OXCT1: variants seen among roughly 807,000 people sequenced by gnomAD.
The protein encoded by OXCT1 is succinyl-CoA:3-ketoacid coenzyme A transferase 1, mitochondrial.
A neutral mutation model predicts 69.6 loss-of-function variants in OXCT1; 27 were observed. The ratio of observed to expected loss-of-function variants is 0.39; its 90% CI spans 0.29 to 0.54. OXCT1 has a LOEUF of 0.54. OXCT1 is among the 20% of genes least tolerant of loss of function. OXCT1 has a pLI of 0.72. For synonymous variants in OXCT1, 202 were observed against 217.8 expected, an observed-to-expected ratio of 0.93 and a Z score of 0.64; for missense variants, 437 against 650.2, an observed-to-expected ratio of 0.67 and a Z score of 3.57.
intron 13 of OXCT1, among the ~76,000 whole-genome samples, chr5:41,765,484 C>T (rs1561372072): frequency 2.0e-5 from 3 of 152,258 alleles, no homozygotes; most frequent in Middle Eastern, 3.4e-3. Flanking sequence ...TGCTAAGCCA[C>T]TCAAACTGAA....
intron 16 of OXCT1, among the ~76,000 whole-genome samples, chr5:41,734,811 C>A (rs1295278822): frequency 2.0e-5 from 3 of 152,048 alleles, no homozygotes; most frequent in Non-Finnish European, 4.4e-5. Flanking sequence ...AAAGAACATT[C>A]AAAAATCATC....
At chr5:41,816,449 C>A (rs898616360) in intron 7 of OXCT1, among the ~76,000 whole-genome samples, 12 of 152,142 alleles carry the variant, frequency 7.9e-5, no homozygotes, top group African/African-American at 2.7e-4. Context: ...TAGGGAGATG[C>A]ACAATCAGTT....
chr5:41,746,692 G>C (rs557917753), intron 15 of OXCT1, among the ~76,000 whole-genome samples: 7 of 152,126 alleles, frequency 4.6e-5, no homozygotes, highest in African/African-American at 9.6e-5. Context: ...TTGAGCTCTA[G>C]ATCCAAATCT....
chr5:41,779,636 G>T (rs1007740622), intron 13 of OXCT1, among the ~76,000 whole-genome samples: 12 of 151,476 alleles, frequency 7.9e-5, no homozygotes, highest in Non-Finnish European at 1.5e-4. Flanking sequence ...AACACACAAA[G>T]AAAGTAAAAG....
At chr5:41,808,735 G>T (rs939466641) in intron 7 of OXCT1, among the ~76,000 whole-genome samples, 7 of 152,062 alleles carry the variant, frequency 4.6e-5, no homozygotes, top group African/African-American at 1.7e-4. Flanking sequence ...TGAAAACTCT[G>T]TATGCTCCAG....
intron 7 of OXCT1, among the ~76,000 whole-genome samples, chr5:41,831,595 C>T (rs1748099950): frequency 6.6e-6 from 1 of 152,038 alleles, no homozygotes; most frequent in Admixed American, 6.6e-5. Flanking sequence ...ATAAAAATAC[C>T]TAGTACACTA....
chr5:41,738,960 T>G (rs902248955), intron 16 of OXCT1, among the ~76,000 whole-genome samples: 50 of 152,320 alleles, frequency 3.3e-4, no homozygotes, highest in Admixed American at 7.2e-4. Context: ...AAATATGGCA[T>G]AGAATTTAGA....
chr5:41,739,025 T>C (rs1186842380), intron 16 of OXCT1, among the ~76,000 whole-genome samples: 2 of 152,248 alleles, frequency 1.3e-5, no homozygotes, highest in Non-Finnish European at 2.9e-5. Flanking sequence ...TTTCTCCATA[T>C]GTGGCTAACA....
At chr5:41,755,938 C>A (rs1176586305) in intron 14 of OXCT1, among the ~76,000 whole-genome samples, 2 of 151,968 alleles carry the variant, frequency 1.3e-5, no homozygotes, top group African/African-American at 4.8e-5. Context: ...TTCTGATGGG[C>A]AGATGAGTAT....
At position 41,807,179 on chromosome 5, in the gene OXCT1, C is replaced by T. The variant is rs114976625; in HGVS notation, c.840+152G>A. The T allele has an allele frequency of 1.9e-3, 1,287 of 661,728 alleles. 13 individuals are homozygous for T. In the African/African-American group the frequency reaches 0.021, roughly 11 times the overall value. 41.0% of individuals were successfully genotyped at this position (661,728 alleles called of 1,614,324 possible). ...GCACAGAGGCATAGACCATCATATC[C>T]CCATGATGATAGACACATGAGAAGC... On this transcript the variant is annotated intron_variant, in intron 8 of 16. Transcript: ENST00000196371.
intron 13 of OXCT1, among the ~76,000 whole-genome samples, chr5:41,781,692 G>A (rs537429405): frequency 6.6e-6 from 1 of 152,260 alleles, no homozygotes; most frequent in East Asian, 1.9e-4. Flanking sequence ...ACTTACAAGT[G>A]AGAATATGCA....
chr5:41,870,375 A>C lies in OXCT1; in HGVS notation c.-17T>G, dbSNP rs1469204898. On this transcript the variant is annotated 5_prime_UTR_variant, in exon 1 of 17. Coordinates refer to ENST00000196371, the MANE Select transcript of OXCT1 (RefSeq NM_000436.4). This position sits in a 1 kb window ranked among gnomAD's most constrained non-coding sequence, Gnocchi z 4.2. ...AGCCGCCATCTTCGGGCGGTGAGGC[A>C]GGAGGAGGCTGCGGGTTGGAGCGCG... The C allele has an allele frequency of 6.2e-7, 1 of 1,606,982 alleles. No homozygotes were observed. Among genetic ancestry groups the C allele is most frequent in the Non-Finnish European group, 8.5e-7 (1 of 1,175,296 alleles).
At chr5:41,819,515 C>T (rs1747434037) in intron 7 of OXCT1, among the ~76,000 whole-genome samples, 1 of 152,074 alleles carries the variant, frequency 6.6e-6, no homozygotes, top group Admixed American at 6.6e-5. Context: ...GGATTACAGG[C>T]ATGCGCCACC....
Position 41,864,645 on chromosome 5 carries a change from T to C in OXCT1, c.79-1895A>G, listed in dbSNP as rs151108745. 3.9e-3 allele frequency among the ~76,000 whole-genome samples: 594 copies of C among 152,318 alleles called. 3 individuals carry two copies. The highest frequency in any genetic ancestry group is 0.017 in the Middle Eastern group (5 of 294). The stretch of plus-strand genomic sequence containing the variant: ...CAACCAATTCATTTCACAGGTCAAA[T>C]TTTTGAAGCTTAGAAGGATCTTGTA... On this transcript the variant is annotated intron_variant, in intron 1 of 16. Transcript: ENST00000196371.
chr5:41,733,740 G>A (rs184163124), intron 16 of OXCT1, among the ~76,000 whole-genome samples: 9 of 152,080 alleles, frequency 5.9e-5, no homozygotes, highest in Admixed American at 1.3e-4. Context: ...ATAAGATAAC[G>A]CTTTATATAG....
At chr5:41,745,041 C>A (rs1743396538) in intron 15 of OXCT1, among the ~76,000 whole-genome samples, 1 of 152,038 alleles carries the variant, frequency 6.6e-6, no homozygotes, top group Admixed American at 6.6e-5. Flanking sequence ...CAACTCTGCA[C>A]CAAGCGGACC....
chr5:41,773,411 C>T (rs745537417), intron 13 of OXCT1, among the ~76,000 whole-genome samples: 24 of 131,518 alleles, frequency 1.8e-4, no homozygotes, highest in Non-Finnish European at 2.4e-4. Context: ...CCTGTCTCTA[C>T]GAAAAAAAAA....
intron 3 of OXCT1, among the ~76,000 whole-genome samples, chr5:41,855,802 A>G (rs1029432129): frequency 7.2e-5 from 11 of 152,220 alleles, no homozygotes; most frequent in Admixed American, 7.2e-4. Flanking sequence ...AAATTGTGAT[A>G]ATTCTGAAAA....
intron 11 of OXCT1, among the ~76,000 whole-genome samples, chr5:41,796,666 G>T (rs1345782640): frequency 6.6e-6 from 1 of 151,952 alleles, no homozygotes; most frequent in Non-Finnish European, 1.5e-5. Flanking sequence ...CCAAATGATA[G>T]AAATATTTTT....
Sources: gnomAD v4.1 joint callset for allele counts (sites outside exome capture counted in the v4.1 genomes callset) on GRCh38, gnomAD v4.1.1 for gene constraint, Gnocchi (gnomAD v3.1) non-coding constraint, MANE v1.5 for transcripts, NCBI Gene and HGNC (gene_info 2026-07-23, HGNC 2026-07-21) for gene names.